Variants in CAB39L observed in about 807,000 individuals in gnomAD.
CAB39L encodes calcium binding protein 39 like.
CAB39L carries 23 observed loss-of-function variants against 39.1 expected under a neutral mutation model. The ratio of observed to expected loss-of-function variants is 0.59; its 90% CI spans 0.42 to 0.83. CAB39L has a LOEUF of 0.83. Among genes scored for constraint, CAB39L ranks in the 40% least tolerant of loss-of-function variants. The pLI, the probability that CAB39L is intolerant of heterozygous loss-of-function variation, is 0.00. For synonymous variants in CAB39L, 126 were observed against 137.2 expected, an observed-to-expected ratio of 0.92 and a Z score of 0.57; for missense variants, 366 against 391.9, an observed-to-expected ratio of 0.93 and a Z score of 0.56.
At chr13:49,437,025 C>T (rs1322486746) in intron 1 of CAB39L, among the ~76,000 whole-genome samples, 3 of 152,212 alleles carry the variant, frequency 2.0e-5, no homozygotes, top group African/African-American at 7.2e-5. Context: ...CCCACCTTGG[C>T]CTCTCAAAGG....
chr13:49,428,216 T>TCTCAATG (rs1335440759), intron 3 of CAB39L, among the ~76,000 whole-genome samples: 11 of 152,328 alleles, frequency 7.2e-5, no homozygotes, highest in African/African-American at 2.2e-4. Context: ...AGCTCAATGG[T>TCTCAATG]TCTGACTCAA....
chr13:49,331,745 G>C (rs1346703812), intron 10 of CAB39L, among the ~76,000 whole-genome samples: 1 of 152,100 alleles, frequency 6.6e-6, no homozygotes, highest in Non-Finnish European at 1.5e-5. Context: ...AAAATATTTA[G>C]ATGTATGGAT....
At chr13:49,417,992 A>G (rs9316449) in intron 3 of CAB39L, among the ~76,000 whole-genome samples, 82,255 of 151,974 alleles carry the variant, frequency 0.54, 22,389 homozygotes, top group South Asian at 0.64. Context: ...AAGCAGGTCA[A>G]TAGTTCCTCA....
At chr13:49,426,966 T>C (rs1480664878) in intron 3 of CAB39L, among the ~76,000 whole-genome samples, 1 of 152,168 alleles carries the variant, frequency 6.6e-6, no homozygotes, top group Non-Finnish European at 1.5e-5. Flanking sequence ...TTAGCATCAT[T>C]TACTGTTTGG....
intron 3 of CAB39L, chr13:49,401,602 G>A (rs1383925286): frequency 6.6e-6 from 1 of 152,044 alleles, no homozygotes; most frequent in East Asian, 1.9e-4. Context: ...AACGTCACAA[G>A]AATGCGTGTA....
At chr13:49,418,696 G>A (rs937402165) in intron 3 of CAB39L, among the ~76,000 whole-genome samples, 23 of 152,210 alleles carry the variant, frequency 1.5e-4, no homozygotes, top group African/African-American at 5.3e-4. Flanking sequence ...CTGAGTAGCT[G>A]GGATTACAGG....
intron 10 of CAB39L, among the ~76,000 whole-genome samples, chr13:49,329,544 A>AAAATATATAT (rs1555252274): frequency 3.0e-5 from 1 of 33,836 alleles, no homozygotes; most frequent in Non-Finnish European, 5.0e-5. Flanking sequence ...TAAAAAAAAA[A>AAAATATATAT]ATATATATAT....
At chr13:49,401,663 TAAAC>T (rs1230355525) in intron 3 of CAB39L, 1 of 152,170 alleles carries the variant, frequency 6.6e-6, no homozygotes, top group Admixed American at 6.6e-5. Flanking sequence ...AGTCTAGAGA[TAAAC>T]AAAATTTTTT....
intron 10 of CAB39L, among the ~76,000 whole-genome samples, chr13:49,313,298 G>A (rs1418112921): frequency 1.3e-5 from 2 of 152,150 alleles, no homozygotes; most frequent in East Asian, 1.9e-4. Context: ...TGGCTAACAC[G>A]GTGAAATCCC....
intron 1 of CAB39L, among the ~76,000 whole-genome samples, chr13:49,442,568 G>C (rs1957545088): frequency 6.6e-6 from 1 of 152,030 alleles, no homozygotes; most frequent in South Asian, 2.1e-4. Context: ...GAGGCGGGCA[G>C]ATCATCTAAA....
chr13:49,388,432 A>C (rs1410485054), intron 3 of CAB39L, among the ~76,000 whole-genome samples: 1 of 152,222 alleles, frequency 6.6e-6, no homozygotes, highest in Non-Finnish European at 1.5e-5. Flanking sequence ...AAAACAAACG[A>C]AAGCATAAAA....
rs1956097031 is a variant in CAB39L, at chr13:49,377,281, G to GCACTGCCTTTTTTATTTT, written c.112-151_112-150insAAAATAAAAAAGGCAGTG. On this transcript the variant is annotated intron_variant, in intron 4 of 10. Coordinates refer to ENST00000409308, the MANE Select transcript of CAB39L (RefSeq NM_001079670.3). ...AGTTACAAACAAACAAAAACAGTGAGGGGAATCACCATGTTTGGGTGGACC... is the reference window on the plus strand; with the variant it reads ...AGTTACAAACAAACAAAAACAGTGAGCACTGCCTTTTTTATTTTGGGAATCACCATGTTTGGGTGGACC... 685 of 380,792 alleles carry GCACTGCCTTTTTTATTTT rather than the reference G, an allele frequency of 1.8e-3. 6 individuals are homozygous for GCACTGCCTTTTTTATTTT. The highest frequency in any genetic ancestry group is 2.4e-3 in the Non-Finnish European group (513 of 216,966). 23.6% of individuals were successfully genotyped at this position (380,792 alleles called of 1,614,324 possible).
intron 3 of CAB39L, among the ~76,000 whole-genome samples, chr13:49,401,824 A>C (rs1296536542): frequency 6.6e-6 from 1 of 152,212 alleles, no homozygotes; most frequent in Non-Finnish European, 1.5e-5. Flanking sequence ...TAACAGATTC[A>C]CCTGCTAATA....
rs1365068740 is a variant in CAB39L at position 49,313,352 on chromosome 13, G to A, written c.835-2359C>T. On this transcript the variant is annotated intron_variant, in intron 10 of 10. Coordinates refer to ENST00000409308, the MANE Select transcript of CAB39L (RefSeq NM_001079670.3). ...AAAAATTAGCCAGGCGTGGTGGCGG[G>A]CGCCTGTAGTCCCAGCTACTCGGGA... 6.6e-5 allele frequency among the ~76,000 whole-genome samples: 10 copies of A among 152,144 alleles called. No individual in the cohort carries two copies. The East Asian group carries it at 1.6e-3, about 24-fold the overall frequency.
rs2138304650 is a variant in CAB39L at position 49,308,687 on chromosome 13, T to C, written c.*2127A>G. 1 of 152,786 alleles carries C rather than the reference T, an allele frequency of 6.5e-6. No individual in the cohort carries two copies. Among genetic ancestry groups the C allele is most frequent in the Middle Eastern group, 3.4e-3 (1 of 294 alleles). The allele number at this position is 152,786 out of a possible 1,614,324, so 9.5% of individuals were successfully genotyped here. On this transcript the variant is annotated 3_prime_UTR_variant, in exon 11 of 11. Coordinates refer to ENST00000409308, the MANE Select transcript of CAB39L (RefSeq NM_001079670.3). ...TTTATTTAGTCAGTCTTCATTTAAA[T>C]GTGTGCTTTTGAAATCACTAAATAT...
At chr13:49,370,666 C>T (rs1454522714) in intron 5 of CAB39L, among the ~76,000 whole-genome samples, 2 of 152,130 alleles carry the variant, frequency 1.3e-5, no homozygotes, top group African/African-American at 4.8e-5. Context: ...AGACACAACA[C>T]TTTATACACA....
At position 49,337,245 on chromosome 13, in the gene CAB39L, G is replaced by A. The variant is rs1954874332; in HGVS notation, c.690+2432C>T. Among the ~76,000 whole-genome samples the A allele has an allele frequency of 2.0e-5, 3 of 152,332 alleles. No individual in the cohort carries two copies. In the South Asian group the frequency reaches 6.2e-4, roughly 32 times the overall value. On this transcript the variant is annotated intron_variant, in intron 9 of 10. Transcript: ENST00000409308. ...ACATGTAAAAATAACACAAGTGTGTGACACTATATCCCAAACCTAGAAAAA... is the reference window on the plus strand; with the variant it reads ...ACATGTAAAAATAACACAAGTGTGTAACACTATATCCCAAACCTAGAAAAA...
At chr13:49,419,587 A>G (rs1957140271) in intron 3 of CAB39L, among the ~76,000 whole-genome samples, 1 of 152,204 alleles carries the variant, frequency 6.6e-6, no homozygotes, top group Non-Finnish European at 1.5e-5. Flanking sequence ...TGTCTCAAAA[A>G]ATAGGAAGAA....
At chr13:49,335,893 G>T (rs953343690) in intron 9 of CAB39L, among the ~76,000 whole-genome samples, 4 of 152,012 alleles carry the variant, frequency 2.6e-5, no homozygotes, top group African/African-American at 9.7e-5. Context: ...CAACTACTTT[G>T]GAATCAGAAA....
Sources: gnomAD v4.1 joint callset for allele counts (sites outside exome capture counted in the v4.1 genomes callset) on GRCh38, gnomAD v4.1.1 for gene constraint, MANE v1.5 for transcripts, NCBI Gene and HGNC (gene_info 2026-07-23, HGNC 2026-07-21) for gene names.